The following EXOC4 variants were observed in gnomAD, a reference collection of about 807,000 sequenced individuals.
EXOC4 encodes SEC8-like 1.
A neutral mutation model predicts 107.2 loss-of-function variants in EXOC4; 71 were observed. That is an observed-to-expected ratio of 0.66 (90% CI 0.55 to 0.81). The LOEUF is 0.81. Ranked by LOEUF, EXOC4 falls within the 30% of genes least tolerant of loss-of-function variation. The pLI is 0.00. For synonymous variants in EXOC4, 456 were observed against 441.2 expected (o/e 1.03, Z -0.42); for missense variants, 1,108 against 1,189.6 (o/e 0.93, Z 1.01).
intron 10 of EXOC4, among the ~76,000 whole-genome samples, chr7:133,769,503 A>G (rs1796203796): frequency 6.6e-6 from 1 of 151,854 alleles, no homozygotes; most frequent in Non-Finnish European, 1.5e-5. Flanking sequence ...TTTTATTCCA[A>G]TTCTAAGGTC....
intron 12 of EXOC4, among the ~76,000 whole-genome samples, chr7:133,907,820 G>A (rs10156089): frequency 8.6e-5 from 13 of 151,004 alleles, no homozygotes; most frequent in South Asian, 2.1e-4. Flanking sequence ...AGAAGAAGGA[G>A]GAGGAGGAGG....
At chr7:133,507,107 T>G (rs1295386193) in intron 9 of EXOC4, among the ~76,000 whole-genome samples, 1 of 152,166 alleles carries the variant, frequency 6.6e-6, no homozygotes, top group East Asian at 1.9e-4. Context: ...TGGATGTTTT[T>G]AAAAGACCAT....
intron 14 of EXOC4, among the ~76,000 whole-genome samples, chr7:133,975,527 G>A (rs1793812173): frequency 6.6e-6 from 1 of 152,036 alleles, no homozygotes; most frequent in South Asian, 2.1e-4. Flanking sequence ...GTAAACACTA[G>A]GCATAGCTAG....
At chr7:133,621,153 A>C (rs1436789783) in intron 9 of EXOC4, among the ~76,000 whole-genome samples, 2 of 152,162 alleles carry the variant, frequency 1.3e-5, no homozygotes, top group Non-Finnish European at 2.9e-5. Flanking sequence ...GCTCAGGATG[A>C]GCTATTATTA....
chr7:133,604,706 C>CTTTTTTTTTT lies in EXOC4; in HGVS notation c.1418-25336_1418-25335insTTTTTTTTTT, dbSNP rs1554477961. ...TTTTTCTTTCCTTCCTTCCTTCCTTCTTTCTTTTTTTTTTTTTTTTTTTTT... is the reference window on the plus strand; with the variant it reads ...TTTTTCTTTCCTTCCTTCCTTCCTTCTTTTTTTTTTTTTCTTTTTTTTTTTTTTTTTTTTT... On this transcript the variant is annotated intron_variant, in intron 9 of 17. Transcript: ENST00000253861. Among the ~76,000 whole-genome samples, 576 of 87,444 alleles carry CTTTTTTTTTT rather than the reference C, an allele frequency of 6.6e-3. 65 individuals carry two copies. The highest frequency in any genetic ancestry group is 9.6e-3 in the Non-Finnish European group (424 of 43,976). 57.4% of individuals were successfully genotyped at this position (87,444 alleles called of 152,430 possible).
rs907636225 is a variant in EXOC4, at chr7:133,801,063, G to A, written c.1515-16262G>A. 2.6e-5 allele frequency among the ~76,000 whole-genome samples: 4 copies of A among 151,978 alleles called. No homozygotes were observed. The South Asian group carries it at 6.2e-4, about 24-fold the overall frequency. On this transcript the variant is annotated intron_variant, in intron 10 of 17. Coordinates refer to ENST00000253861, the MANE Select transcript of EXOC4 (RefSeq NM_021807.4). ...TAGCACAGATACGTCCTCTATAATCGTGGCCTAAAGAAATAAGAAAAAAAT... is the reference window on the plus strand; with the variant it reads ...TAGCACAGATACGTCCTCTATAATCATGGCCTAAAGAAATAAGAAAAAAAT...
At chr7:133,590,302 A>C (rs1801511319) in intron 9 of EXOC4, among the ~76,000 whole-genome samples, 1 of 151,838 alleles carries the variant, frequency 6.6e-6, no homozygotes, top group African/African-American at 2.4e-5. Flanking sequence ...TAGTATTTTT[A>C]TTTTAGAGGT....
At chr7:133,858,608 A>G (rs952239282) in intron 11 of EXOC4, among the ~76,000 whole-genome samples, 1 of 152,110 alleles carries the variant, frequency 6.6e-6, no homozygotes, top group Non-Finnish European at 1.5e-5. Context: ...TGCTGCTATC[A>G]TTAATAACCT....
At chr7:133,262,696 G>A (rs1458896257) in intron 1 of EXOC4, among the ~76,000 whole-genome samples, 1 of 152,122 alleles carries the variant, frequency 6.6e-6, no homozygotes, top group Non-Finnish European at 1.5e-5. Context: ...ACCTACCTGA[G>A]CTGAATCTGC....
chr7:133,412,030 A>G (rs954869522), intron 7 of EXOC4, among the ~76,000 whole-genome samples: 2 of 152,078 alleles, frequency 1.3e-5, no homozygotes, highest in Non-Finnish European at 2.9e-5. Context: ...TTTCTCTCTA[A>G]TAATGCAGTT....
intron 9 of EXOC4, among the ~76,000 whole-genome samples, chr7:133,615,970 A>G (rs1187819215): frequency 6.6e-6 from 1 of 152,124 alleles, no homozygotes; most frequent in Non-Finnish European, 1.5e-5. Context: ...TTGTTCTGTG[A>G]TTGAGTCACT....
chr7:133,965,644 G>A (rs1232212072), intron 14 of EXOC4, among the ~76,000 whole-genome samples: 2 of 152,118 alleles, frequency 1.3e-5, no homozygotes, highest in Non-Finnish European at 2.9e-5. Context: ...TAGATGTGTG[G>A]TGTTATTTCT....
Position 133,504,901 on chromosome 7 carries a change from A to G in EXOC4, c.1417+24763A>G, listed in dbSNP as rs538606005. 4.1e-4 allele frequency among the ~76,000 whole-genome samples: 62 copies of G among 152,178 alleles called. No individual in the cohort carries two copies. In the Middle Eastern group the frequency reaches 0.017, roughly 42 times the overall value. ...GTTTTCTTAGGTTAGTGGTCAATCT[A>G]TGAAATTAGATTTTTGTGAGCATGA... On this transcript the variant is annotated intron_variant, in intron 9 of 17. Transcript: ENST00000253861.
chr7:133,535,523 A>C (rs779773887), intron 9 of EXOC4, among the ~76,000 whole-genome samples: 1 of 152,206 alleles, frequency 6.6e-6, no homozygotes, highest in Non-Finnish European at 1.5e-5. Flanking sequence ...TGTAGAAAGC[A>C]AGGATGGCAT....
intron 11 of EXOC4, among the ~76,000 whole-genome samples, chr7:133,874,576 C>T (rs1421582697): frequency 2.6e-5 from 4 of 152,220 alleles, no homozygotes; most frequent in South Asian, 2.1e-4. Flanking sequence ...CATTCTCCCC[C>T]TTAGAGGGCT....
intron 11 of EXOC4, among the ~76,000 whole-genome samples, chr7:133,882,424 A>G (rs1798985575): frequency 2.6e-5 from 4 of 152,218 alleles, no homozygotes. Flanking sequence ...TCACTCAGTT[A>G]AGAAATATTT....
intron 7 of EXOC4, among the ~76,000 whole-genome samples, chr7:133,454,149 GA>G (rs994478421): frequency 6.6e-6 from 1 of 152,094 alleles, no homozygotes; most frequent in Non-Finnish European, 1.5e-5. Flanking sequence ...CACATAACTA[GA>G]CTGAAAACGT....
intron 10 of EXOC4, among the ~76,000 whole-genome samples, chr7:133,649,458 C>G (rs1187168648): frequency 8.1e-5 from 1 of 12,338 alleles, no homozygotes; most frequent in Admixed American, 1.5e-3. Context: ...TGAAGCATTA[C>G]TACTTTTTCT....
intron 9 of EXOC4, among the ~76,000 whole-genome samples, chr7:133,494,511 C>G (rs1799435677): frequency 6.6e-6 from 1 of 152,210 alleles, no homozygotes; most frequent in Non-Finnish European, 1.5e-5. Context: ...TCTACCATTT[C>G]TAGATTATAG....
Sources: allele counts gnomAD v4.1 joint callset (sites outside exome capture counted in the v4.1 genomes callset), GRCh38; gene constraint gnomAD v4.1.1; transcripts MANE v1.5; gene names NCBI Gene and HGNC (gene_info 2026-07-23, HGNC 2026-07-21).